EPHB1: variants seen among roughly 807,000 people sequenced by gnomAD.
EPHB1 encodes the protein ephrin type-B receptor 1.
A neutral mutation model predicts 94.4 loss-of-function variants in EPHB1; 30 were observed. That is an observed-to-expected ratio of 0.32 (90% confidence interval 0.24 to 0.43). EPHB1 has a LOEUF of 0.43. Among genes scored for constraint, EPHB1 ranks in the 20% least tolerant of loss-of-function variants. The probability of loss-of-function intolerance (pLI) is 1.00; values close to 1 mark genes in which losing one functional copy is unlikely to be tolerated. For missense variants in EPHB1, 1,055 were observed against 1,308.3 expected (o/e 0.81, Z 2.99); for synonymous variants, 522 against 489.1 (o/e 1.07, Z -0.89).
At chr3:134,936,972 A>C (rs2039017034) in intron 2 of EPHB1, among the ~76,000 whole-genome samples, 1 of 152,308 alleles carries the variant, frequency 6.6e-6, no homozygotes, top group Non-Finnish European at 1.5e-5. Context: ...GATGTCTGCC[A>C]TTTGGAGCAG....
chr3:134,798,455 G>GA (rs2035872861), intron 1 of EPHB1, among the ~76,000 whole-genome samples: 1 of 152,094 alleles, frequency 6.6e-6, no homozygotes, highest in Admixed American at 6.5e-5. Context: ...AACCCAGACT[G>GA]AAAAAAAGCT....
At chr3:134,863,741 T>G (rs540791519) in intron 1 of EPHB1, among the ~76,000 whole-genome samples, 1 of 152,232 alleles carries the variant, frequency 6.6e-6, no homozygotes, top group African/African-American at 2.4e-5. Context: ...GGCTCCTTCT[T>G]TCTTGCTAAT....
intron 1 of EPHB1, among the ~76,000 whole-genome samples, chr3:134,896,124 A>G (rs2038082454): frequency 6.6e-6 from 1 of 152,172 alleles, no homozygotes; most frequent in Non-Finnish European, 1.5e-5. Context: ...ACACCAGGAC[A>G]CATATTGTGG....
chr3:135,038,855 T>G (rs1170522966), intron 3 of EPHB1, among the ~76,000 whole-genome samples: 3 of 152,158 alleles, frequency 2.0e-5, no homozygotes, highest in East Asian at 1.9e-4. Context: ...CCCAGCGGGT[T>G]GCCAATGCTG....
intron 3 of EPHB1, among the ~76,000 whole-genome samples, chr3:134,966,600 G>C (rs1933756417): frequency 6.6e-6 from 1 of 152,234 alleles, no homozygotes; most frequent in African/African-American, 2.4e-5. Flanking sequence ...GCAATTGGTG[G>C]CTTCTCTTCC....
At position 135,179,927 on chromosome 3, in the gene EPHB1, G is replaced by A. The variant is rs2107704860; in HGVS notation, c.1827G>A (p.Glu609=). 6.2e-7 allele frequency: 1 copy of A among 1,613,994 alleles called. No individual in the cohort carries two copies. The highest frequency in any genetic ancestry group is 1.1e-5 in the South Asian group (1 of 91,084). Reference sequence around the variant, plus strand: ...AGGATCCCAACGAAGCTGTCCGGGAGTTTGCCAAGGAGATTGATGTATCTT... The same window carrying A: ...AGGATCCCAACGAAGCTGTCCGGGAATTTGCCAAGGAGATTGATGTATCTT... ...TYEDPNEAVR[E]FAKEIDVSFV... Residue 609 remains glutamate, a synonymous_variant, in exon 10 of 16, where the codon GAG becomes GAA. Transcript: ENST00000398015.
At position 134,830,450 on chromosome 3, in the gene EPHB1, T is replaced by C. The variant is rs781585450; in HGVS notation, c.58+34761T>C. Among the ~76,000 whole-genome samples the C allele has an allele frequency of 1.0e-3, 156 of 152,230 alleles. 1 individual carries two copies. The highest frequency in any genetic ancestry group is 2.0e-3 in the Non-Finnish European group (134 of 68,048). On this transcript the variant is annotated intron_variant, in intron 1 of 15. Transcript: ENST00000398015. ...AAAATATTTTCAATTAAAATTTTAA[T>C]TTTTATTAACATACATGCACATTGT...
intron 3 of EPHB1, among the ~76,000 whole-genome samples, chr3:135,078,321 C>A (rs1350014710): frequency 6.6e-6 from 1 of 152,156 alleles, no homozygotes; most frequent in Non-Finnish European, 1.5e-5. Context: ...TGTTCTGAGA[C>A]CCCAAGGGGC....
intron 15 of EPHB1, among the ~76,000 whole-genome samples, chr3:135,253,893 C>T (rs942005742): frequency 6.6e-6 from 1 of 151,606 alleles, no homozygotes; most frequent in South Asian, 2.1e-4. Context: ...TTTCCTTGAG[C>T]AGTGGTGTGT....
rs540950426 is a variant in EPHB1, at chr3:134,875,481, T to C, written c.59-50335T>C. Among the ~76,000 whole-genome samples, 9 of 152,128 alleles carry C rather than the reference T, an allele frequency of 5.9e-5. No homozygotes were observed. In the East Asian group the frequency reaches 1.7e-3, roughly 30 times the overall value. ...TGGAACTGCAGGGAGTGAGGAGCGG[T>C]TGATGGCCTTTAGAAGCCCCCAGGG... On this transcript the variant is annotated intron_variant, in intron 1 of 15. Transcript: ENST00000398015.
intron 12 of EPHB1, among the ~76,000 whole-genome samples, chr3:135,204,316 G>C (rs140028963): frequency 2.6e-5 from 4 of 152,102 alleles, no homozygotes; most frequent in African/African-American, 4.8e-5. Flanking sequence ...CGATTCTCCT[G>C]TCTCAGCCTC....
rs115045716 is a variant in EPHB1, at chr3:134,948,890, G to T, written c.124-2481G>T. 6.2e-3 allele frequency among the ~76,000 whole-genome samples: 948 copies of T among 152,328 alleles called. 5 individuals carry two copies. The highest frequency in any genetic ancestry group is 0.022 in the African/African-American group (896 of 41,558). Reference sequence around the variant, plus strand: ...ATGATATGCTATCTAATTAAGTGAGGGGATTTTCCAGAGCTGGAGTAACTC... The same window carrying T: ...ATGATATGCTATCTAATTAAGTGAGTGGATTTTCCAGAGCTGGAGTAACTC... On this transcript the variant is annotated intron_variant, in intron 2 of 15. Coordinates refer to ENST00000398015, the MANE Select transcript of EPHB1 (RefSeq NM_004441.5).
intron 1 of EPHB1, among the ~76,000 whole-genome samples, chr3:134,819,600 C>T (rs1185252782): frequency 5.9e-5 from 9 of 152,192 alleles, no homozygotes; most frequent in Non-Finnish European, 7.3e-5. Flanking sequence ...CCTCCCTTCT[C>T]TGTGCCTCTT....
chr3:134,932,480 C>A (rs995620017), intron 2 of EPHB1, among the ~76,000 whole-genome samples: 2 of 152,140 alleles, frequency 1.3e-5, no homozygotes, highest in African/African-American at 2.4e-5. Flanking sequence ...ATGGGTAAGA[C>A]CTTTATGGAG....
intron 3 of EPHB1, among the ~76,000 whole-genome samples, chr3:135,042,123 A>C (rs866003393): frequency 1.3e-5 from 2 of 152,108 alleles, no homozygotes; most frequent in Admixed American, 1.3e-4. Flanking sequence ...GTAGAGATGA[A>C]GTTTTGCCAT....
At chr3:135,019,825 AT>A (rs1458098949) in intron 3 of EPHB1, among the ~76,000 whole-genome samples, 1 of 152,244 alleles carries the variant, frequency 6.6e-6, no homozygotes, top group Non-Finnish European at 1.5e-5. Flanking sequence ...AATATTAAAA[AT>A]ATCCACAAAT....
At chr3:135,055,852 A>T (rs1001342074) in intron 3 of EPHB1, among the ~76,000 whole-genome samples, 3 of 152,102 alleles carry the variant, frequency 2.0e-5, no homozygotes, top group Non-Finnish European at 4.4e-5. Context: ...GCTCATCTTC[A>T]TGGCCTTTAG....
intron 1 of EPHB1, among the ~76,000 whole-genome samples, chr3:134,922,661 C>G (rs1055852793): frequency 2.6e-5 from 4 of 152,212 alleles, no homozygotes; most frequent in Admixed American, 2.0e-4. Context: ...CCCTGCTCCT[C>G]CAACATGATC....
chr3:134,829,817 C>A (rs1412961321), intron 1 of EPHB1, among the ~76,000 whole-genome samples: 1 of 152,106 alleles, frequency 6.6e-6, no homozygotes, highest in African/African-American at 2.4e-5. Flanking sequence ...AATTTGGACG[C>A]AGACATGCAC....
Sources: gnomAD v4.1 joint callset for allele counts (sites outside exome capture counted in the v4.1 genomes callset) on GRCh38, gnomAD v4.1.1 for gene constraint, MANE v1.5 for transcripts, NCBI Gene and HGNC (gene_info 2026-07-23, HGNC 2026-07-21) for gene names.